Variants in DOK6 observed in about 807,000 individuals in gnomAD.
The protein encoded by DOK6 is docking protein 6.
DOK6 carries 22 observed loss-of-function variants against 44.0 expected under a neutral mutation model. The ratio of observed to expected loss-of-function variants is 0.50; its 90% CI spans 0.36 to 0.71. The LOEUF (loss-of-function observed/expected upper bound fraction) is 0.71, where lower values mean the gene tolerates loss of function less well. Ranked by LOEUF, DOK6 falls within the 30% of genes least tolerant of loss-of-function variation. The pLI, the probability that DOK6 is intolerant of heterozygous loss-of-function variation, is 0.00. For synonymous variants in DOK6, 166 were observed against 145.5 expected (o/e 1.14, Z -1.01); for missense variants, 340 against 416.4 (o/e 0.82, Z 1.60).
At chr18:69,685,260 G>T (rs1599262197) in intron 4 of DOK6, among the ~76,000 whole-genome samples, 1 of 151,672 alleles carries the variant, frequency 6.6e-6, no homozygotes, top group Non-Finnish European at 1.5e-5. Flanking sequence ...ACAAAATATT[G>T]TATGAAGCTG....
At chr18:69,564,049 G>C (rs112855030) in intron 1 of DOK6, among the ~76,000 whole-genome samples, 2 of 151,976 alleles carry the variant, frequency 1.3e-5, no homozygotes, top group African/African-American at 4.8e-5. Context: ...ATGAACATCT[G>C]TTTTTAAAAA....
chr18:69,669,978 G>C (rs1985756380), intron 3 of DOK6, among the ~76,000 whole-genome samples: 1 of 152,082 alleles, frequency 6.6e-6, no homozygotes, highest in Non-Finnish European at 1.5e-5. Context: ...GTAGCAGAAA[G>C]CACCACAAAT....
chr18:69,519,923 T>C (rs1981639493), intron 1 of DOK6, among the ~76,000 whole-genome samples: 1 of 151,900 alleles, frequency 6.6e-6, no homozygotes, highest in Non-Finnish European at 1.5e-5. Context: ...TTATTTTTAA[T>C]TTCCAATTTT....
intron 3 of DOK6, among the ~76,000 whole-genome samples, chr18:69,604,017 T>G (rs1983939291): frequency 1.3e-5 from 2 of 152,144 alleles, no homozygotes; most frequent in South Asian, 2.1e-4. Flanking sequence ...ATTAATAGCA[T>G]TCTTCATTGA....
intron 1 of DOK6, among the ~76,000 whole-genome samples, chr18:69,447,369 G>A (rs886620493): frequency 1.3e-5 from 2 of 152,078 alleles, no homozygotes; most frequent in South Asian, 2.1e-4. Flanking sequence ...GGTTGTAGAT[G>A]TGTGGAGTTA....
At chr18:69,701,990 C>T (rs933124150) in intron 5 of DOK6, among the ~76,000 whole-genome samples, 2 of 151,888 alleles carry the variant, frequency 1.3e-5, no homozygotes. Context: ...AAATATGATA[C>T]AAAAGCATAA....
At chr18:69,772,980 C>A (rs1265992744) in intron 7 of DOK6, among the ~76,000 whole-genome samples, 1 of 151,854 alleles carries the variant, frequency 6.6e-6, no homozygotes, top group East Asian at 1.9e-4. Context: ...TAAGGAACTC[C>A]TACAACTCAA....
intron 4 of DOK6, among the ~76,000 whole-genome samples, chr18:69,682,847 T>C (rs931688672): frequency 6.6e-6 from 1 of 152,224 alleles, no homozygotes; most frequent in Non-Finnish European, 1.5e-5. Flanking sequence ...GCTTACACTT[T>C]CCTTTTTATA....
At chr18:69,450,520 G>A (rs1979430421) in intron 1 of DOK6, among the ~76,000 whole-genome samples, 1 of 129,366 alleles carries the variant, frequency 7.7e-6, no homozygotes, top group African/African-American at 2.9e-5. Flanking sequence ...CCCCAATCTA[G>A]CAAGGCAGGC....
chr18:69,489,384 T>C (rs969378338), intron 1 of DOK6, among the ~76,000 whole-genome samples: 6 of 152,298 alleles, frequency 3.9e-5, no homozygotes, highest in East Asian at 3.9e-4. Context: ...TGATGGACCA[T>C]GGGCCAGGGC....
At chr18:69,409,352 T>G (rs1317337387) in intron 1 of DOK6, among the ~76,000 whole-genome samples, 3 of 152,256 alleles carry the variant, frequency 2.0e-5, no homozygotes, top group Non-Finnish European at 4.4e-5. Flanking sequence ...AATTTTTTCC[T>G]AACGATTTTT....
chr18:69,495,832 G>A (rs907506386), intron 1 of DOK6, among the ~76,000 whole-genome samples: 1 of 152,204 alleles, frequency 6.6e-6, no homozygotes, highest in African/African-American at 2.4e-5. Flanking sequence ...AGCACCCAAA[G>A]TCCAGAGGGG....
chr18:69,591,593 G>T (rs982804928), intron 2 of DOK6, among the ~76,000 whole-genome samples: 1 of 72,330 alleles, frequency 1.4e-5, no homozygotes, highest in Admixed American at 1.7e-4. Context: ...GACTAAGGTC[G>T]ATATTAAATA....
chr18:69,485,700 GA>G (rs527483012), intron 1 of DOK6, among the ~76,000 whole-genome samples: 2 of 152,036 alleles, frequency 1.3e-5, no homozygotes, highest in Non-Finnish European at 2.9e-5. Context: ...AAATTGGTAG[GA>G]AATTTTGAGA....
At chr18:69,638,719 C>T (rs1008476595) in intron 3 of DOK6, among the ~76,000 whole-genome samples, 42 of 152,170 alleles carry the variant, frequency 2.8e-4, no homozygotes, top group African/African-American at 8.2e-4. Flanking sequence ...GGTTCATTTG[C>T]GGTTCTTCAA....
intron 1 of DOK6, among the ~76,000 whole-genome samples, chr18:69,414,696 G>T (rs1244393888): frequency 6.6e-6 from 1 of 151,990 alleles, no homozygotes; most frequent in Non-Finnish European, 1.5e-5. Context: ...GTTATGAAAT[G>T]AGATGGTAAT....
chr18:69,654,909 T>G (rs895733346), intron 3 of DOK6, among the ~76,000 whole-genome samples: 1 of 152,032 alleles, frequency 6.6e-6, no homozygotes, highest in African/African-American at 2.4e-5. Context: ...ATACAGAAAA[T>G]TAGCTGGGTA....
chr18:69,418,920 T>G (rs1412383327), intron 1 of DOK6, among the ~76,000 whole-genome samples: 2 of 152,168 alleles, frequency 1.3e-5, no homozygotes, highest in Non-Finnish European at 2.9e-5. Flanking sequence ...ATTTCAATTA[T>G]TAGCTGGGAC....
chr18:69,615,890 C>T (rs79757807), intron 3 of DOK6, among the ~76,000 whole-genome samples: 4 of 152,164 alleles, frequency 2.6e-5, no homozygotes, highest in South Asian at 2.1e-4. Context: ...ATCATAAGCA[C>T]GGTGAACTGA....
Sources: allele counts gnomAD v4.1 joint callset (sites outside exome capture counted in the v4.1 genomes callset), GRCh38; gene constraint gnomAD v4.1.1; transcripts MANE v1.5; gene names NCBI Gene and HGNC (gene_info 2026-07-23, HGNC 2026-07-21).